The following MMP24 variants were observed in gnomAD, a reference collection of about 807,000 sequenced individuals.
MMP24 encodes the protein matrix metallopeptidase 24, also known as matrix metalloproteinase-24.
In MMP24, 25 loss-of-function variants were observed where a neutral mutation model predicts 62.8. The ratio of observed to expected loss-of-function variants is 0.40; its 90% CI spans 0.29 to 0.56. MMP24 has a LOEUF of 0.56. Ranked by LOEUF, MMP24 falls within the 20% of genes least tolerant of loss-of-function variation. MMP24 has a pLI of 0.50. For missense variants in MMP24, 634 were observed against 853.6 expected (o/e 0.74, Z 3.21); for synonymous variants, 319 against 350.5 (o/e 0.91, Z 1.00).
In MMP24 at chr20:35,271,088, C is replaced by A. The variant is rs1435636394; in HGVS notation, c.1334-481C>A. On this transcript the variant is annotated intron_variant, in intron 7 of 8. Transcript: ENST00000246186. The surrounding 1 kb of genome is among the most constrained non-coding windows in gnomAD (Gnocchi z 4.0). ...CTGAGAGGAGAAGGAAAGAGAGGGT[C>A]AACAGTGAGGCTAGGACTCCCTGTT... Among the ~76,000 whole-genome samples the A allele has an allele frequency of 6.6e-6, 1 of 152,044 alleles. No homozygotes were observed. The highest frequency in any genetic ancestry group is 1.5e-5 in the Non-Finnish European group (1 of 68,006).
chr20:35,276,322 G>A lies in MMP24; in HGVS notation c.*1713G>A, dbSNP rs1342520987. 5.0e-6 allele frequency: 2 copies of A among 399,142 alleles called. No homozygotes were observed. The highest frequency in any genetic ancestry group is 1.3e-4 in the South Asian group (1 of 7,854). The allele number at this position is 399,142 out of a possible 1,614,324, so 24.7% of individuals were successfully genotyped here. ...GGGACAGGCAGGGAACAACTGCGGA[G>A]ATATTAGTGATTCATAGGTTTGTAC... On this transcript the variant is annotated 3_prime_UTR_variant, in exon 9 of 9. Transcript: ENST00000246186.
intron 5 of MMP24, among the ~76,000 whole-genome samples, chr20:35,265,007 C>T (rs1486876704): frequency 6.6e-6 from 1 of 152,128 alleles, no homozygotes; most frequent in Non-Finnish European, 1.5e-5. Flanking sequence ...AGGACCTCCA[C>T]AAGTAAAGCA....
intron 3 of MMP24, among the ~76,000 whole-genome samples, chr20:35,253,270 C>CTTTTTTTTTTGTTTTTTTTTTTTTTT (rs2060557275): frequency 1.3e-5 from 1 of 79,078 alleles, no homozygotes; most frequent in African/African-American, 5.8e-5. Flanking sequence ...CAGAACGGGA[C>CTTTTTTTTTTGTTTTTTTTTTTTTTT]TTTTTTTTTT....
chr20:35,267,252 C>G lies in MMP24; in HGVS notation c.1027C>G (p.Pro343Ala), dbSNP rs764480571. The part of the protein sequence containing the change: ...LEPTRPLPTL[P>A]VRRIHSPSER... ...GCCCACAAGGCCACTCCCTACACTC[C>G]CCGTCCGCAGGATCCACTCACCATC... Residue 343 changes from proline (P) to alanine (A), a missense_variant, in exon 6 of 9, where the codon CCC becomes GCC. Around this residue, in one of 3 missense-constraint regions of MMP24, gnomAD observed 399 missense variants for 530.8 expected, o/e 0.75. Coordinates refer to ENST00000246186, the MANE Select transcript of MMP24 (RefSeq NM_006690.4). 6.2e-7 allele frequency: 1 copy of G among 1,606,044 alleles called. No individual in the cohort carries two copies. Among genetic ancestry groups the G allele is most frequent in the Non-Finnish European group, 8.5e-7 (1 of 1,176,748 alleles).
Position 35,251,869 on chromosome 20 carries a change from T to A in MMP24, c.396-36T>A, listed in dbSNP as rs115895887. The A allele has an allele frequency of 7.7e-4, 1,163 of 1,518,476 alleles. 11 individuals carry two copies. In the African/African-American group the frequency reaches 0.015, roughly 19 times the overall value. 94.1% of individuals were successfully genotyped at this position (1,518,476 alleles called of 1,614,324 possible). A position where few individuals can be genotyped will look rare whatever the true frequency, so the allele number is the denominator to read the frequency against. ...TTCCTAAAGTGTTCAGTGACCACAGTGCATATGCGTGTGTGTGTGTCCTCT... is the reference window on the plus strand; with the variant it reads ...TTCCTAAAGTGTTCAGTGACCACAGAGCATATGCGTGTGTGTGTGTCCTCT... On this transcript the variant is annotated intron_variant, in intron 2 of 8. Coordinates refer to ENST00000246186, the MANE Select transcript of MMP24 (RefSeq NM_006690.4).
intron 1 of MMP24, among the ~76,000 whole-genome samples, chr20:35,242,235 G>A (rs1053567006): frequency 3.9e-5 from 6 of 152,272 alleles, no homozygotes; most frequent in Non-Finnish European, 7.3e-5. Flanking sequence ...GGGAGGCTGA[G>A]ACAGGAGAAT....
chr20:35,234,564 G>A (rs1057326218), intron 1 of MMP24, among the ~76,000 whole-genome samples: 3 of 152,216 alleles, frequency 2.0e-5, no homozygotes, highest in Non-Finnish European at 2.9e-5. Flanking sequence ...GTTGCATTTT[G>A]AAGTAGCGCA....
intron 1 of MMP24, among the ~76,000 whole-genome samples, chr20:35,237,063 TC>T (rs1164558198): frequency 1.1e-4 from 17 of 152,010 alleles, no homozygotes; most frequent in African/African-American, 3.9e-4. Flanking sequence ...AGCGGTTCTT[TC>T]CAAGGAGTAT....
Position 35,274,666 on chromosome 20 carries a change from G to C in MMP24, c.*57G>C. On this transcript the variant is annotated 3_prime_UTR_variant, in exon 9 of 9. Transcript: ENST00000246186. This position sits in a 1 kb window ranked among gnomAD's most constrained non-coding sequence, Gnocchi z 5.1. Reference sequence around the variant, plus strand: ...TGGCCAGCCAGGCCCTTCCTCACCAGGGTCTGAGGGGCAGCTCTGGCCAGT... The same window carrying C: ...TGGCCAGCCAGGCCCTTCCTCACCACGGTCTGAGGGGCAGCTCTGGCCAGT... 7.0e-7 allele frequency: 1 copy of C among 1,426,744 alleles called. No homozygotes were observed. Among genetic ancestry groups the C allele is most frequent in the Middle Eastern group, 2.0e-4 (1 of 4,966 alleles). 88.4% of individuals were successfully genotyped at this position (1,426,744 alleles called of 1,614,324 possible). A position where few individuals can be genotyped will look rare whatever the true frequency, so the allele number is the denominator to read the frequency against.
At position 35,267,330 on chromosome 20, in the gene MMP24, C is replaced by G. The variant is rs773325169; in HGVS notation, c.1105C>G (p.Arg369Gly). The change falls in exon 6 of 9, where the codon CGG becomes GGG. Residue 369 changes from arginine (R) to glycine (G), a missense_variant. Transcript: ENST00000246186. ...GCCCCCTCGGCCGCCCCTCGGGGAC[C>G]GGCCATCCACACCAGGCACCAAACC... ...PRPPRPPLGD[R>G]PSTPGTKPNI... 1.3e-6 allele frequency: 2 copies of G among 1,587,802 alleles called. No individual in the cohort carries two copies. Among genetic ancestry groups the G allele is most frequent in the Non-Finnish European group, 1.7e-6 (2 of 1,167,838 alleles).
chr20:35,245,216 G>A (rs1480978454), intron 1 of MMP24, among the ~76,000 whole-genome samples: 1 of 151,980 alleles, frequency 6.6e-6, no homozygotes, highest in Admixed American at 6.6e-5. Flanking sequence ...TTGTAGAGAT[G>A]GGGTCTTGAT....
At chr20:35,239,818 A>C (rs550276748) in intron 1 of MMP24, among the ~76,000 whole-genome samples, 9 of 152,072 alleles carry the variant, frequency 5.9e-5, no homozygotes, top group Non-Finnish European at 1.0e-4. Context: ...AACCAACCAA[A>C]CAAACAAACA....
chr20:35,273,007 T>C (rs1181678099), intron 8 of MMP24, among the ~76,000 whole-genome samples: 1 of 152,166 alleles, frequency 6.6e-6, no homozygotes, highest in Non-Finnish European at 1.5e-5. Context: ...ATTGACAGGA[T>C]TCATTCACTC....
At chr20:35,250,309 C>T (rs1219443424) in intron 2 of MMP24, among the ~76,000 whole-genome samples, 10 of 152,092 alleles carry the variant, frequency 6.6e-5, no homozygotes, top group African/African-American at 2.2e-4. Context: ...TCTGTAGTCC[C>T]AGCACTTTGG....
intron 1 of MMP24, among the ~76,000 whole-genome samples, chr20:35,242,354 T>A (rs1300351445): frequency 6.6e-6 from 1 of 151,872 alleles, no homozygotes; most frequent in Admixed American, 6.6e-5. Flanking sequence ...AAAATAAAAA[T>A]TAAATTTAAA....
chr20:35,269,506 ACCT>A lies in MMP24; in HGVS notation c.1195-250_1195-248del, dbSNP rs1826408648. On this transcript the variant is annotated intron_variant, in intron 6 of 8. Coordinates refer to ENST00000246186, the MANE Select transcript of MMP24 (RefSeq NM_006690.4). The surrounding 1 kb of genome is among the most constrained non-coding windows in gnomAD (Gnocchi z 4.6). ...ACATCATCCTTTCCGGCTCCCTCAC[ACCT>A]CCTTTTCCACACCAGGCCTGTCTGC... Among the ~76,000 whole-genome samples the A allele has an allele frequency of 6.6e-6, 1 of 151,460 alleles. No individual in the cohort carries two copies.
At chr20:35,257,595 G>A (rs2060581342) in intron 4 of MMP24, among the ~76,000 whole-genome samples, 1 of 152,126 alleles carries the variant, frequency 6.6e-6, no homozygotes, top group Non-Finnish European at 1.5e-5. Context: ...CCCAGCACTG[G>A]GGGTGTGCAC....
At position 35,269,909 on chromosome 20, in the gene MMP24, C is replaced by T. The variant is rs1183453418; in HGVS notation, c.1333+11C>T. The T allele has an allele frequency of 1.3e-6, 2 of 1,551,730 alleles. No individual in the cohort carries two copies. Among genetic ancestry groups the T allele is most frequent in the East Asian group, 2.4e-5 (1 of 40,922 alleles). On this transcript the variant is annotated intron_variant, in intron 7 of 8. Transcript: ENST00000246186. This position sits in a 1 kb window ranked among gnomAD's most constrained non-coding sequence, Gnocchi z 4.6. ...TTGTCTTCTTCAAAGGTAATGTAGA[C>T]TGTGCTGTGGGACAGTTCCCTGCCC... is the stretch of plus-strand genomic sequence containing the variant.
intron 1 of MMP24, among the ~76,000 whole-genome samples, chr20:35,228,008 A>G (rs1451350010): frequency 1.3e-5 from 2 of 152,154 alleles, no homozygotes; most frequent in Non-Finnish European, 2.9e-5. Flanking sequence ...GAGGACTGCA[A>G]TATTCTAATA....
Sources: gnomAD v4.1 joint callset for allele counts (sites outside exome capture counted in the v4.1 genomes callset) on GRCh38, gnomAD v4.1.1 for gene constraint, gnomAD v4.1.1 regional missense constraint, Gnocchi (gnomAD v3.1) non-coding constraint, MANE v1.5 for transcripts, NCBI Gene and HGNC (gene_info 2026-07-23, HGNC 2026-07-21) for gene names.